The following ZNF280D variants were observed in gnomAD, a reference collection of about 807,000 sequenced individuals.
ZNF280D encodes the protein suppressor of hairy wing homolog 4.
In ZNF280D, 39 loss-of-function variants were observed where a neutral mutation model predicts 94.7. The observed-to-expected ratio is 0.41, with a 90% CI of 0.32 to 0.54. The LOEUF is 0.54. ZNF280D is among the 20% of genes least tolerant of loss of function. ZNF280D has a pLI of 0.22. For missense variants in ZNF280D, 1,090 were observed against 1,149.3 expected, an observed-to-expected ratio of 0.95 and a Z score of 0.75; for synonymous variants, 398 against 377.6, an observed-to-expected ratio of 1.05 and a Z score of -0.63.
chr15:56,654,057 T>C (rs1180510406), intron 19 of ZNF280D, 141 bp downstream of exon 19: 6 of 1,500,988 alleles, frequency 4.0e-6, no homozygotes, highest in Non-Finnish European at 5.3e-6. Flanking sequence ...CAGGAACCTA[T>C]TTCAACAAGC....
At chr15:56,730,240 CTATT>C (rs1255191849) in intron 1 of ZNF280D, 10 of 152,106 alleles carry the variant, frequency 6.6e-5, no homozygotes, top group South Asian at 2.1e-4. Flanking sequence ...ATTTAAATCA[CTATT>C]TAAAGCAATC....
intron 20 of ZNF280D, among the ~76,000 whole-genome samples, chr15:56,642,137 A>G (rs1184127432): frequency 6.6e-6 from 1 of 151,628 alleles, no homozygotes; most frequent in African/African-American, 2.4e-5. Flanking sequence ...CAAAAAAACT[A>G]CAAACTACCA....
At chr15:56,692,650 C>G (rs2056490368) in intron 7 of ZNF280D, among the ~76,000 whole-genome samples, 1 of 151,962 alleles carries the variant, frequency 6.6e-6, no homozygotes, top group Non-Finnish European at 1.5e-5. Flanking sequence ...TATAATAGCA[C>G]TTTATAATCA....
chr15:56,719,390 G>A (rs1158340994), intron 1 of ZNF280D, among the ~76,000 whole-genome samples: 2 of 150,276 alleles, frequency 1.3e-5, no homozygotes, highest in African/African-American at 2.4e-5. Context: ...CTCCTCTTTC[G>A]CTTCCTCTCT....
chr15:56,682,600 C>G (rs1050858658), intron 9 of ZNF280D, 123 bp from the exon 10 acceptor site: 2 of 603,318 alleles, frequency 3.3e-6, no homozygotes, highest in Non-Finnish European at 5.3e-6. Flanking sequence ...TGTAATATAT[C>G]TAGAAAAATA....
chr15:56,667,822 G>C (rs1436218653), intron 14 of ZNF280D, among the ~76,000 whole-genome samples: 1 of 151,962 alleles, frequency 6.6e-6, no homozygotes, highest in African/African-American at 2.4e-5. Context: ...CTATAACATG[G>C]GGCAATACCT....
chr15:56,681,141 A>T lies in ZNF280D; in HGVS notation c.1004+1113T>A, dbSNP rs1334584474. ...AAATTATAAAGCACTATCATAAAGA[A>T]ACCATTAATAACTGTTATAGGTGTA... On this transcript the variant is annotated intron_variant, in intron 10 of 21. Coordinates refer to ENST00000267807, the MANE Select transcript of ZNF280D (RefSeq NM_017661.4). Among the ~76,000 whole-genome samples the T allele has an allele frequency of 6.6e-5, 10 of 152,244 alleles. No individual in the cohort carries two copies. The East Asian group carries it at 1.9e-3, about 29-fold the overall frequency.
intron 21 of ZNF280D, chr15:56,633,915 C>A (rs2052217904): frequency 6.6e-6 from 1 of 151,952 alleles, no homozygotes; most frequent in Non-Finnish European, 1.5e-5. Context: ...TTATTAAATT[C>A]ATAATTTAAT....
intron 19 of ZNF280D, among the ~76,000 whole-genome samples, chr15:56,647,301 GTAA>G (rs1204736421): frequency 6.6e-6 from 1 of 152,132 alleles, no homozygotes; most frequent in Non-Finnish European, 1.5e-5. Context: ...CTGGATAAAG[GTAA>G]ATGTGGAGAA....
At chr15:56,720,361 G>A (rs1243519449) in intron 1 of ZNF280D, among the ~76,000 whole-genome samples, 1 of 152,012 alleles carries the variant, frequency 6.6e-6, no homozygotes, top group African/African-American at 2.4e-5. Flanking sequence ...ACATCTTCAG[G>A]CTCCACTTCT....
chr15:56,707,401 T>C lies in ZNF280D; in HGVS notation c.-85-95A>G, dbSNP rs1188411690. The C allele has an allele frequency of 1.2e-5, 12 of 970,080 alleles. No homozygotes were observed. The African/African-American group carries it at 2.0e-4, about 16-fold the overall frequency. 60.1% of individuals were successfully genotyped at this position (970,080 alleles called of 1,614,324 possible). A position where few individuals can be genotyped will look rare whatever the true frequency, so the allele number is the denominator to read the frequency against. Reference sequence around the variant, plus strand: ...CTCCTATACAGAGGTCAATTATGTTTGATATATCTGATATACACATATAGT... The same window carrying C: ...CTCCTATACAGAGGTCAATTATGTTCGATATATCTGATATACACATATAGT... On this transcript the variant is annotated intron_variant, in intron 1 of 21. Coordinates refer to ENST00000267807, the MANE Select transcript of ZNF280D (RefSeq NM_017661.4).
At chr15:56,671,942 A>G (rs1223278185) in intron 13 of ZNF280D, among the ~76,000 whole-genome samples, 1 of 151,964 alleles carries the variant, frequency 6.6e-6, no homozygotes, top group Non-Finnish European at 1.5e-5. Context: ...TTTTCTGGCC[A>G]TTGTGAAGGG....
chr15:56,643,080 A>T lies in ZNF280D; in HGVS notation c.2214-83T>A, dbSNP rs533982388. 7.1e-6 allele frequency: 6 copies of T among 849,038 alleles called. No homozygotes were observed. In the East Asian group the frequency reaches 1.9e-4, roughly 27 times the overall value. The allele number at this position is 849,038 out of a possible 1,614,324, so 52.6% of individuals were successfully genotyped here. A position where few individuals can be genotyped will look rare whatever the true frequency, so the allele number is the denominator to read the frequency against. On this transcript the variant is annotated intron_variant, in intron 19 of 21. Transcript: ENST00000267807. ...AAACAGTTCTTTCTCTGCCAGCCTA[A>T]AATAATTAAAATGTAGATCGAAACT...
At chr15:56,683,202 T>C (rs2055754392) in intron 9 of ZNF280D, among the ~76,000 whole-genome samples, 1 of 152,144 alleles carries the variant, frequency 6.6e-6, no homozygotes, top group African/African-American at 2.4e-5. Flanking sequence ...TTCATATCTC[T>C]ATAAAAGAGC....
chr15:56,665,990 G>T (rs1213301598), intron 16 of ZNF280D, among the ~76,000 whole-genome samples: 3 of 152,008 alleles, frequency 2.0e-5, no homozygotes, highest in Non-Finnish European at 4.4e-5. Flanking sequence ...CCAAAAACTA[G>T]CCAGGCATGG....
At chr15:56,713,471 G>C (rs2057882630) in intron 1 of ZNF280D, among the ~76,000 whole-genome samples, 1 of 152,000 alleles carries the variant, frequency 6.6e-6, no homozygotes, top group Non-Finnish European at 1.5e-5. Context: ...CAAGAAATCA[G>C]GCATTTAAGT....
rs766512126 is a variant in ZNF280D at position 56,678,836 on chromosome 15, C to CA, written c.1005-16dup. The CA allele has an allele frequency of 1.3e-6, 2 of 1,507,730 alleles. No individual in the cohort carries two copies. The highest frequency in any genetic ancestry group is 4.8e-5 in the East Asian group (2 of 42,022). 93.4% of individuals were successfully genotyped at this position (1,507,730 alleles called of 1,614,324 possible). A position where few individuals can be genotyped will look rare whatever the true frequency, so the allele number is the denominator to read the frequency against. ...GGTTCATAAACCTATAAATGGTTGT[C>CA]AACAGGTGCAAAACTTGAGATTTAA... is the stretch of plus-strand genomic sequence containing the variant. On this transcript the variant is annotated splice_polypyrimidine_tract_variant and intron_variant, in intron 10 of 21. Coordinates refer to ENST00000267807, the MANE Select transcript of ZNF280D (RefSeq NM_017661.4).
At chr15:56,719,888 A>C (rs2058255291) in intron 1 of ZNF280D, among the ~76,000 whole-genome samples, 1 of 71,078 alleles carries the variant, frequency 1.4e-5, no homozygotes, top group Admixed American at 1.9e-4. Context: ...TTTATTGCTA[A>C]AAAAAAAAAA....
At chr15:56,710,451 A>C (rs2057698360) in intron 1 of ZNF280D, among the ~76,000 whole-genome samples, 1 of 151,326 alleles carries the variant, frequency 6.6e-6, no homozygotes, top group South Asian at 2.1e-4. Context: ...AAAAAAGAGG[A>C]CTCTCAACTT....
Sources: allele counts gnomAD v4.1 joint callset (sites outside exome capture counted in the v4.1 genomes callset), GRCh38; gene constraint gnomAD v4.1.1; transcripts MANE v1.5; gene names NCBI Gene and HGNC (gene_info 2026-07-23, HGNC 2026-07-21).